Variants in MROH2B observed in about 807,000 individuals in gnomAD.
The protein encoded by MROH2B is maestro heat like repeat family member 2B.
In MROH2B, 177 loss-of-function variants were observed where a neutral mutation model predicts 208.6. The ratio of observed to expected loss-of-function variants is 0.85; its 90% CI spans 0.75 to 0.96. The LOEUF (loss-of-function observed/expected upper bound fraction) is 0.96, where lower values mean the gene tolerates loss of function less well. Among genes scored for constraint, MROH2B ranks in the 40% least tolerant of loss-of-function variants. The probability of loss-of-function intolerance (pLI) is 0.00; values close to 1 mark genes in which losing one functional copy is unlikely to be tolerated. For missense variants in MROH2B, 2,002 were observed against 1,878.7 expected (o/e 1.07, Z -1.21); for synonymous variants, 728 against 659.0 (o/e 1.10, Z -1.60).
intron 36 of MROH2B, 25 bp from the exon 37 acceptor site, chr5:41,004,553 T>G (rs771182871): frequency 6.3e-7 from 1 of 1,595,890 alleles, no homozygotes; most frequent in South Asian, 1.1e-5. Context: ...GACCTCTTAA[T>G]CTTGAAAATT....
intron 29 of MROH2B, among the ~76,000 whole-genome samples, chr5:41,013,776 T>C (rs1561279270): frequency 1.3e-5 from 2 of 152,216 alleles, no homozygotes; most frequent in South Asian, 2.1e-4. Context: ...TGAGCGCCTA[T>C]TATGTGTCGG....
In MROH2B at chr5:41,012,602, C is replaced by G; in HGVS notation, c.3116G>C (p.Gly1039Ala). Reference sequence around the variant, plus strand: ...GTTCACCTGATCTTCCAGAGCAGCTCCCTGCTGCTTCAGGACAGTGATCAT... The same window carrying G: ...GTTCACCTGATCTTCCAGAGCAGCTGCCTGCTGCTTCAGGACAGTGATCAT... ...IWMITVLKQQ[G>A]AALEDQLLEI... Residue 1039 changes from glycine to alanine, a missense_variant, in exon 30 of 42, where the codon GGA becomes GCA. Coordinates refer to ENST00000399564, the MANE Select transcript of MROH2B (RefSeq NM_173489.5). 1 of 1,612,624 alleles carries G rather than the reference C, an allele frequency of 6.2e-7. No individual in the cohort carries two copies. The highest frequency in any genetic ancestry group is 8.5e-7 in the Non-Finnish European group (1 of 1,179,294).
chr5:41,006,331 T>C (rs1469897945), intron 34 of MROH2B, among the ~76,000 whole-genome samples: 3 of 149,926 alleles, frequency 2.0e-5, no homozygotes, highest in Non-Finnish European at 3.0e-5. Flanking sequence ...ATAATAATAA[T>C]AAAAAAAAAG....
chr5:41,044,902 C>T (rs1380311309), intron 18 of MROH2B, among the ~76,000 whole-genome samples: 1 of 152,186 alleles, frequency 6.6e-6, no homozygotes, highest in Non-Finnish European at 1.5e-5. Context: ...ATGTCAAGCA[C>T]TTCACCAGGG....
At chr5:41,046,431 A>G (rs1052779902) in intron 17 of MROH2B, among the ~76,000 whole-genome samples, 1 of 150,402 alleles carries the variant, frequency 6.6e-6, no homozygotes, top group Non-Finnish European at 1.5e-5. Flanking sequence ...TGAACAATAC[A>G]TAGAAAAGTG....
chr5:41,016,970 T>A (rs1415479853), intron 28 of MROH2B, among the ~76,000 whole-genome samples: 1 of 152,206 alleles, frequency 6.6e-6, no homozygotes, highest in Non-Finnish European at 1.5e-5. Flanking sequence ...CTTTTGGCTT[T>A]AACACACTTA....
At chr5:41,028,724 A>G (rs1177480884) in intron 24 of MROH2B, among the ~76,000 whole-genome samples, 1 of 152,162 alleles carries the variant, frequency 6.6e-6, no homozygotes, top group African/African-American at 2.4e-5. Context: ...ACAGACACCT[A>G]GGTTGTTTCT....
intron 19 of MROH2B, among the ~76,000 whole-genome samples, chr5:41,040,276 A>G (rs1188734877): frequency 6.6e-6 from 1 of 152,180 alleles, no homozygotes; most frequent in Admixed American, 6.5e-5. Context: ...CTGAGGTTAT[A>G]TATTCCCTCT....
chr5:41,032,671 G>T, intron 24 of MROH2B, 71 bp downstream of exon 24: 1 of 1,236,180 alleles, frequency 8.1e-7, no homozygotes, highest in Non-Finnish European at 1.2e-6. Context: ...TGCACTAACA[G>T]ATGTTAGTTG....
At chr5:41,011,672 CTT>C (rs70988828) in intron 30 of MROH2B, among the ~76,000 whole-genome samples, 26 of 145,110 alleles carry the variant, frequency 1.8e-4, no homozygotes, top group Admixed American at 4.1e-4. Context: ...TTTCCTTTTT[CTT>C]TTTTTTTTTT....
intron 29 of MROH2B, 42 bp downstream of exon 29, chr5:41,015,339 A>G (rs748414895): frequency 3.2e-6 from 5 of 1,554,066 alleles, no homozygotes; most frequent in Non-Finnish European, 4.4e-6. Flanking sequence ...TTGGAAATCA[A>G]TCCAGAATCT....
rs1362248058 is a variant in MROH2B at position 41,033,874 on chromosome 5, A to G, written c.2215-10T>C. 1.9e-6 allele frequency: 3 copies of G among 1,549,072 alleles called. No individual in the cohort carries two copies. The highest frequency in any genetic ancestry group is 2.4e-5 in the East Asian group (1 of 41,016). On this transcript the variant is annotated splice_polypyrimidine_tract_variant and intron_variant, in intron 21 of 41. Transcript: ENST00000399564. ...CAGACATGCCCAGAACCTAAAAAAA[A>G]TCAAAGGCAAAATTAGATACTCAAT...
intron 24 of MROH2B, among the ~76,000 whole-genome samples, chr5:41,032,346 C>A (rs946587032): frequency 1.3e-5 from 2 of 152,012 alleles, no homozygotes; most frequent in Admixed American, 1.3e-4. Flanking sequence ...TTAAAATATG[C>A]CAAAAAGTAT....
At chr5:41,035,120 C>T (rs1820152) in intron 21 of MROH2B, among the ~76,000 whole-genome samples, 91,653 of 151,790 alleles carry the variant, frequency 0.6, 28,141 homozygotes, top group Non-Finnish European at 0.66. Context: ...TATGGAACAA[C>T]GAAAAAAAGC....
intron 6 of MROH2B, among the ~76,000 whole-genome samples, chr5:41,061,254 A>G (rs567282896): frequency 5.9e-5 from 9 of 152,310 alleles, no homozygotes; most frequent in Non-Finnish European, 1.0e-4. Flanking sequence ...TACTCATTTT[A>G]TCTTATTGAT....
At chr5:41,021,396 C>A (rs78179521) in intron 24 of MROH2B, among the ~76,000 whole-genome samples, 10,884 of 152,178 alleles carry the variant, frequency 0.072, 397 homozygotes, top group African/African-American at 0.091. Flanking sequence ...AATGTAATTC[C>A]TATCAAAATA....
chr5:41,022,547 C>A (rs1742187852), intron 24 of MROH2B, among the ~76,000 whole-genome samples: 1 of 152,226 alleles, frequency 6.6e-6, no homozygotes, highest in Non-Finnish European at 1.5e-5. Flanking sequence ...AACAAAACGA[C>A]CGAGAAGCTC....
intron 24 of MROH2B, among the ~76,000 whole-genome samples, chr5:41,030,643 A>T (rs1441415124): frequency 6.6e-6 from 1 of 152,024 alleles, no homozygotes; most frequent in African/African-American, 2.4e-5. Flanking sequence ...CATATGGAAT[A>T]AAAAAAGAGC....
intron 1 of MROH2B, 136 bp downstream of exon 1, chr5:41,070,689 A>G (rs1190293909): frequency 9.0e-6 from 7 of 775,134 alleles, no homozygotes; most frequent in Non-Finnish European, 1.3e-5. Flanking sequence ...TATTTAGCAT[A>G]CCATTTCATA....
Sources: gnomAD v4.1 joint callset for allele counts (sites outside exome capture counted in the v4.1 genomes callset) on GRCh38, gnomAD v4.1.1 for gene constraint, MANE v1.5 for transcripts, NCBI Gene and HGNC (gene_info 2026-07-23, HGNC 2026-07-21) for gene names.